The following DLGAP2 variants were observed in gnomAD, a reference collection of about 807,000 sequenced individuals.
DLGAP2 encodes disks large-associated protein 2.
A neutral mutation model predicts 100.3 loss-of-function variants in DLGAP2; 26 were observed. The observed-to-expected ratio is 0.26, with a 90% CI of 0.19 to 0.36. The LOEUF (loss-of-function observed/expected upper bound fraction) is 0.36, where lower values mean the gene tolerates loss of function less well. DLGAP2 is among the 10% of genes least tolerant of loss of function. DLGAP2 has a pLI of 1.00. For synonymous variants in DLGAP2, 886 were observed against 630.1 expected (o/e 1.41, Z -6.08); for missense variants, 1,858 against 1,453.2 (o/e 1.28, Z -4.53).
intron 3 of DLGAP2, among the ~76,000 whole-genome samples, chr8:1,362,906 C>T (rs936290019): frequency 9.9e-5 from 15 of 152,252 alleles, no homozygotes; most frequent in South Asian, 4.1e-4. Flanking sequence ...TCGTCTTTCC[C>T]GTCTGTCTGT....
intron 3 of DLGAP2, among the ~76,000 whole-genome samples, chr8:1,345,515 T>A (rs1317317441): frequency 6.6e-6 from 1 of 152,262 alleles, no homozygotes; most frequent in African/African-American, 2.4e-5. Flanking sequence ...GGCATAAGTT[T>A]TTCTGTTGTA....
intron 3 of DLGAP2, among the ~76,000 whole-genome samples, chr8:1,276,323 C>G (rs1055987285): frequency 6.6e-6 from 1 of 151,834 alleles, no homozygotes; most frequent in African/African-American, 2.4e-5. Context: ...ACATTAGTGT[C>G]TTGGACTGAC....
At chr8:1,563,740 G>A (rs1021464155) in intron 5 of DLGAP2, among the ~76,000 whole-genome samples, 9 of 152,042 alleles carry the variant, frequency 5.9e-5, no homozygotes, top group African/African-American at 2.2e-4. Flanking sequence ...ATCTGCCGGA[G>A]CACTGGTGTG....
intron 8 of DLGAP2, among the ~76,000 whole-genome samples, chr8:1,656,128 A>C (rs1431234109): frequency 6.6e-6 from 1 of 152,210 alleles, no homozygotes; most frequent in East Asian, 1.9e-4. Flanking sequence ...GTTTGAGACC[A>C]GCCTGTCCAA....
intron 1 of DLGAP2, among the ~76,000 whole-genome samples, chr8:801,429 C>G (rs924711658): frequency 6.6e-6 from 1 of 152,214 alleles, no homozygotes; most frequent in African/African-American, 2.4e-5. Flanking sequence ...ATGCTAAAGT[C>G]TTCAGGCTTG....
intron 6 of DLGAP2, among the ~76,000 whole-genome samples, chr8:1,594,890 C>G (rs113352238): frequency 0.056 from 8,514 of 152,270 alleles, 264 homozygotes; most frequent in African/African-American, 0.068. Context: ...ACAGCCAATT[C>G]TGTCCCACCT....
chr8:845,435 T>G (rs936863090), intron 1 of DLGAP2, among the ~76,000 whole-genome samples: 1 of 152,260 alleles, frequency 6.6e-6, no homozygotes, highest in Non-Finnish European at 1.5e-5. Context: ...CATCTTTCCA[T>G]GTGCTTGTTG....
chr8:1,033,985 C>T (rs13272347), intron 2 of DLGAP2, among the ~76,000 whole-genome samples: 26 of 92,360 alleles, frequency 2.8e-4, no homozygotes, highest in Middle Eastern at 9.6e-3. Flanking sequence ...CGTGAGTGGA[C>T]TCACACCCTC....
intron 2 of DLGAP2, among the ~76,000 whole-genome samples, chr8:1,189,889 G>C (rs1797596661): frequency 6.6e-6 from 1 of 152,186 alleles, no homozygotes; most frequent in Non-Finnish European, 1.5e-5. Context: ...AGGTGATGGG[G>C]GAGGGTAACT....
At chr8:1,501,590 A>G (rs1490796176) in intron 4 of DLGAP2, among the ~76,000 whole-genome samples, 159 bp downstream of exon 4, 1 of 152,200 alleles carries the variant, frequency 6.6e-6, no homozygotes, top group African/African-American at 2.4e-5. Flanking sequence ...TTTTCCAAAA[A>G]TAATAGTTTT....
At chr8:1,641,241 T>C (rs1369706002) in intron 8 of DLGAP2, among the ~76,000 whole-genome samples, 1 of 152,120 alleles carries the variant, frequency 6.6e-6, no homozygotes, top group African/African-American at 2.4e-5. Flanking sequence ...TGCAGATAAA[T>C]CGTGCATCTG....
At chr8:1,009,295 T>A (rs1378618920) in intron 2 of DLGAP2, among the ~76,000 whole-genome samples, 6 of 152,242 alleles carry the variant, frequency 3.9e-5, no homozygotes, top group African/African-American at 1.4e-4. Flanking sequence ...GACATTAGAA[T>A]GTTCCCAGTT....
At chr8:959,110 GTAATA>G (rs1482383238) in intron 2 of DLGAP2, among the ~76,000 whole-genome samples, 1 of 152,140 alleles carries the variant, frequency 6.6e-6, no homozygotes, top group Non-Finnish European at 1.5e-5. Context: ...AAAGCTAACA[GTAATA>G]AAGTGATAAT....
intron 2 of DLGAP2, among the ~76,000 whole-genome samples, chr8:919,522 T>C (rs889093856): frequency 1.1e-4 from 17 of 152,316 alleles, no homozygotes; most frequent in Admixed American, 6.5e-4. Flanking sequence ...GTTCATTTGC[T>C]GCCACCATCC....
intron 2 of DLGAP2, among the ~76,000 whole-genome samples, chr8:926,184 G>C (rs1468825733): frequency 6.6e-6 from 1 of 152,122 alleles, no homozygotes; most frequent in Non-Finnish European, 1.5e-5. Flanking sequence ...ACATGAAGCC[G>C]ACTTCCAGAG....
At chr8:1,106,930 G>T (rs1019926810) in intron 2 of DLGAP2, among the ~76,000 whole-genome samples, 1 of 152,186 alleles carries the variant, frequency 6.6e-6, no homozygotes, top group Non-Finnish European at 1.5e-5. Flanking sequence ...CTAGGAGCAG[G>T]ATTGCTTCAA....
At chr8:1,597,334 T>A (rs1794306910) in intron 6 of DLGAP2, among the ~76,000 whole-genome samples, 1 of 152,170 alleles carries the variant, frequency 6.6e-6, no homozygotes, top group African/African-American at 2.4e-5. Flanking sequence ...TAGGATTGTC[T>A]TGGCTATATG....
Position 787,956 on chromosome 8 carries a change from C to T in DLGAP2, c.18+50131C>T, listed in dbSNP as rs541558915. Among the ~76,000 whole-genome samples, 3 of 152,352 alleles carry T rather than the reference C, an allele frequency of 2.0e-5. No homozygotes were observed. In the East Asian group the frequency reaches 5.8e-4, roughly 29 times the overall value. On this transcript the variant is annotated intron_variant, in intron 1 of 14. Transcript: ENST00000637795. ...TATGGTGGCATTCCAGGTCTGGCGT[C>T]CCTGTCCACCTCCAAGCCAGGATGC...
At chr8:1,334,700 C>G (rs114999468) in intron 3 of DLGAP2, among the ~76,000 whole-genome samples, 6,014 of 152,262 alleles carry the variant, frequency 0.039, 400 homozygotes, top group African/African-American at 0.14. Context: ...GTAAACACCT[C>G]CACAGCAGCC....
Sources: gnomAD v4.1 joint callset for allele counts (sites outside exome capture counted in the v4.1 genomes callset) on GRCh38, gnomAD v4.1.1 for gene constraint, MANE v1.5 for transcripts, NCBI Gene and HGNC (gene_info 2026-07-23, HGNC 2026-07-21) for gene names.